Variants in KIF21A observed in about 807,000 individuals in gnomAD.
KIF21A encodes kinesin family member 21A, also known as kinesin-like protein KIF21A.
A neutral mutation model predicts 202.9 loss-of-function variants in KIF21A; 114 were observed. That is an observed-to-expected ratio of 0.56 (90% CI 0.48 to 0.66). The LOEUF is 0.66. Ranked by LOEUF, KIF21A falls within the 30% of genes least tolerant of loss-of-function variation. KIF21A has a pLI of 0.00. For synonymous variants in KIF21A, 667 were observed against 670.8 expected (o/e 0.99, Z 0.09); for missense variants, 1,677 against 1,994.9 (o/e 0.84, Z 3.04).
At chr12:39,376,820 T>A (rs1463071397) in intron 1 of KIF21A, among the ~76,000 whole-genome samples, 2 of 152,296 alleles carry the variant, frequency 1.3e-5, no homozygotes, top group East Asian at 3.9e-4. Context: ...TTCCCCATTT[T>A]ATTAAAAACA....
chr12:39,340,337 T>C lies in KIF21A; in HGVS notation c.2138A>G (p.Lys713Arg). 6.2e-7 allele frequency: 1 copy of C among 1,609,576 alleles called. No homozygotes were observed. The highest frequency in any genetic ancestry group is 2.2e-5 in the East Asian group (1 of 44,756). ...LGSVESYSEEKAKKVRSEYEK... is the reference protein window; with the variant it reads ...LGSVESYSEERAKKVRSEYEK... ...ATATTCAGACCTAACTTTTTTTGCTTTTTCTTCTGAGTAAGATTCTACCGA... is the reference window on the plus strand; with the variant it reads ...ATATTCAGACCTAACTTTTTTTGCTCTTTCTTCTGAGTAAGATTCTACCGA... The change falls in exon 16 of 38, where the codon AAA (lysine) becomes AGA (arginine). Residue 713 changes from lysine to arginine, a missense_variant. Physicochemically the swap from Lys to Arg is conservative, Grantham distance 26 (BLOSUM62 2). Around this residue, in one of 3 missense-constraint regions of KIF21A, gnomAD observed 966 missense variants for 1,180.9 expected, o/e 0.82. Coordinates refer to ENST00000361418, the MANE Select transcript of KIF21A (RefSeq NM_001173464.2).
intron 1 of KIF21A, among the ~76,000 whole-genome samples, chr12:39,372,201 T>C (rs552266714): frequency 7.9e-5 from 12 of 152,300 alleles, no homozygotes; most frequent in Admixed American, 2.6e-4. Context: ...AGAGAAAGGA[T>C]TGAGTTTCTG....
intron 1 of KIF21A, among the ~76,000 whole-genome samples, chr12:39,416,851 A>C (rs570978422): frequency 7.0e-6 from 1 of 142,536 alleles, no homozygotes; most frequent in East Asian, 2.2e-4. Context: ...ATAGATATGT[A>C]CATATATATG....
intron 37 of KIF21A, among the ~76,000 whole-genome samples, chr12:39,300,352 A>G (rs1378304327): frequency 1.3e-5 from 2 of 152,190 alleles, no homozygotes; most frequent in Non-Finnish European, 2.9e-5. Flanking sequence ...AATAGCATCA[A>G]TGAAGCATCA....
intron 1 of KIF21A, among the ~76,000 whole-genome samples, chr12:39,383,976 T>C (rs1209255038): frequency 6.6e-6 from 1 of 152,134 alleles, no homozygotes; most frequent in Admixed American, 6.6e-5. Context: ...ATTCTGCATT[T>C]CTAATACATT....
At chr12:39,421,126 T>C (rs1473185978) in intron 1 of KIF21A, among the ~76,000 whole-genome samples, 3 of 152,248 alleles carry the variant, frequency 2.0e-5, no homozygotes, top group Non-Finnish European at 4.4e-5. Flanking sequence ...TGTTCAGATC[T>C]GTTTAGATAC....
intron 16 of KIF21A, 146 bp downstream of exon 16, chr12:39,340,016 ACTT>A (rs1947315402): frequency 7.5e-6 from 5 of 662,362 alleles, no homozygotes; most frequent in Non-Finnish European, 1.3e-5. Flanking sequence ...ATTAGAAACA[ACTT>A]CTAATTGCCA....
intron 7 of KIF21A, among the ~76,000 whole-genome samples, chr12:39,362,434 T>A (rs558629136): frequency 6.6e-6 from 1 of 152,262 alleles, no homozygotes; most frequent in Non-Finnish European, 1.5e-5. Context: ...TATGATTGAA[T>A]TTAAATCCCA....
At chr12:39,340,823 T>G (rs1327691914) in intron 15 of KIF21A, 83 bp downstream of exon 15, 1 of 972,012 alleles carries the variant, frequency 1.0e-6, no homozygotes, top group African/African-American at 1.6e-5. Context: ...ACGGCTTCTA[T>G]TTTTTTTCTT....
intron 1 of KIF21A, among the ~76,000 whole-genome samples, chr12:39,430,596 T>C (rs996730825): frequency 6.6e-6 from 1 of 151,776 alleles, no homozygotes; most frequent in Non-Finnish European, 1.5e-5. Flanking sequence ...AAGAAACATA[T>C]CAATTTATTT....
At chr12:39,370,017 A>T (rs761061992) in intron 2 of KIF21A, 22 bp downstream of exon 2, 10 of 1,602,794 alleles carry the variant, frequency 6.2e-6, no homozygotes, top group East Asian at 2.2e-5. Flanking sequence ...TTCAACTCCT[A>T]TGAAAATAAT....
At chr12:39,357,182 G>C in intron 9 of KIF21A, 66 bp downstream of exon 9, 2 of 1,363,426 alleles carry the variant, frequency 1.5e-6, no homozygotes, top group Non-Finnish European at 2.1e-6. Flanking sequence ...GGTAATTAGT[G>C]AACACAAAGA....
At chr12:39,434,771 C>T (rs1392792584) in intron 1 of KIF21A, among the ~76,000 whole-genome samples, 3 of 151,970 alleles carry the variant, frequency 2.0e-5, no homozygotes, top group Admixed American at 2.0e-4. Flanking sequence ...CTAGAGATGC[C>T]CTGTGCCTCA....
Position 39,309,566 on chromosome 12 carries a change from T to C in KIF21A, c.4277+20A>G. 6.4e-7 allele frequency: 1 copy of C among 1,566,560 alleles called. No individual in the cohort carries two copies. Among genetic ancestry groups the C allele is most frequent in the Non-Finnish European group, 8.7e-7 (1 of 1,143,264 alleles). ...GAAGAGCTATTCCTCCTTTATGCTA[T>C]ATGTCTTCAAGTTACTTACGTTAGT... is the stretch of plus-strand genomic sequence containing the variant. On this transcript the variant is annotated intron_variant, in intron 33 of 37. Coordinates refer to ENST00000361418, the MANE Select transcript of KIF21A (RefSeq NM_001173464.2).
chr12:39,368,576 T>C (rs542432753), intron 3 of KIF21A, among the ~76,000 whole-genome samples: 12 of 152,214 alleles, frequency 7.9e-5, no homozygotes, highest in African/African-American at 2.9e-4. Flanking sequence ...TCTATCAATA[T>C]GTTTTAAAGT....
intron 1 of KIF21A, among the ~76,000 whole-genome samples, chr12:39,385,324 C>A (rs1480555323): frequency 6.6e-6 from 1 of 151,862 alleles, no homozygotes; most frequent in African/African-American, 2.4e-5. Context: ...TGCCTGCCAC[C>A]AGTACCAATA....
At chr12:39,317,808 T>G (rs1043819801) in intron 29 of KIF21A, among the ~76,000 whole-genome samples, 9 of 152,168 alleles carry the variant, frequency 5.9e-5, no homozygotes, top group African/African-American at 1.7e-4. Flanking sequence ...CAGTTCTAAT[T>G]TACTTGTAAA....
rs1373843147 is a variant in KIF21A, at chr12:39,301,487, C to A, written c.4924G>T (p.Ala1642Ser). The stretch of plus-strand genomic sequence containing the variant: ...TCATATAAGAAAACTTACTCAGCTG[C>A]AGTAAAAATGTGGGTGGAATTAACA... Reference protein sequence around the residue: ...ICVNSTHIFTAADDRTVRIWK... With the variant: ...ICVNSTHIFTSADDRTVRIWK... Residue 1642 changes from alanine (A) to serine (S), a missense_variant, in exon 37 of 38, where the codon GCA (alanine) becomes TCA (serine). Physicochemically the swap from Ala to Ser is moderately conservative, Grantham distance 99 (BLOSUM62 1). Transcript: ENST00000361418. 1 of 1,613,078 alleles carries A rather than the reference C, an allele frequency of 6.2e-7. No homozygotes were observed. Among genetic ancestry groups the A allele is most frequent in the Non-Finnish European group, 8.5e-7 (1 of 1,179,092 alleles).
intron 11 of KIF21A, among the ~76,000 whole-genome samples, chr12:39,351,236 G>A (rs1370781796): frequency 1.3e-5 from 2 of 152,016 alleles, no homozygotes; most frequent in African/African-American, 4.8e-5. Flanking sequence ...ACTCCTTGTT[G>A]GAAGATTCAA....
Sources: allele counts gnomAD v4.1 joint callset (sites outside exome capture counted in the v4.1 genomes callset), GRCh38; gene constraint gnomAD v4.1.1; regional missense constraint gnomAD v4.1.1; transcripts MANE v1.5; gene names NCBI Gene and HGNC (gene_info 2026-07-23, HGNC 2026-07-21).